The following EFCAB6 variants were observed in gnomAD, a reference collection of about 807,000 sequenced individuals.
EFCAB6 encodes the protein EF-hand calcium-binding domain-containing protein 6.
In EFCAB6, 156 loss-of-function variants were observed where a neutral mutation model predicts 169.8. The observed-to-expected ratio is 0.92, with a 90% CI of 0.81 to 1.05. EFCAB6 has a LOEUF of 1.05. Ranked by LOEUF, EFCAB6 falls within the 50% of genes least tolerant of loss-of-function variation. The probability of loss-of-function intolerance (pLI) is 0.00; values close to 1 mark genes in which losing one functional copy is unlikely to be tolerated. For synonymous variants in EFCAB6, 698 were observed against 676.4 expected, an observed-to-expected ratio of 1.03 and a Z score of -0.50; for missense variants, 1,800 against 1,829.1, an observed-to-expected ratio of 0.98 and a Z score of 0.29.
chr22:43,623,086 A>C lies in EFCAB6; in HGVS notation c.2465+3361T>G, dbSNP rs1602677434. 3.3e-5 allele frequency among the ~76,000 whole-genome samples: 5 copies of C among 152,350 alleles called. No homozygotes were observed. The Middle Eastern group carries it at 0.014, about 415-fold the overall frequency. ...CAGAACAGCACTCTAGATTCCAAAGATGATGGTGACACTGATCGTATCAGC... is the reference window on the plus strand; with the variant it reads ...CAGAACAGCACTCTAGATTCCAAAGCTGATGGTGACACTGATCGTATCAGC... On this transcript the variant is annotated intron_variant, in intron 20 of 31. Transcript: ENST00000262726.
chr22:43,719,774 G>A (rs1381124819), intron 8 of EFCAB6, among the ~76,000 whole-genome samples: 1 of 152,178 alleles, frequency 6.6e-6, no homozygotes, highest in Non-Finnish European at 1.5e-5. Flanking sequence ...TGAGCTGATA[G>A]AGGTACTTGC....
At chr22:43,784,664 C>CACATATATATGTGTAT (rs2062000636) in intron 2 of EFCAB6, among the ~76,000 whole-genome samples, 1 of 69,132 alleles carries the variant, frequency 1.4e-5, no homozygotes, top group African/African-American at 5.3e-5. Flanking sequence ...TGTATATATA[C>CACATATATATGTGTAT]ATATACATAT....
At chr22:43,627,739 G>T (rs570933171) in intron 19 of EFCAB6, among the ~76,000 whole-genome samples, 3 of 152,102 alleles carry the variant, frequency 2.0e-5, no homozygotes, top group Non-Finnish European at 4.4e-5. Context: ...GCGGCATTGC[G>T]CTTGTCCCCT....
chr22:43,574,778 G>A (rs1486934891), intron 26 of EFCAB6, among the ~76,000 whole-genome samples: 3 of 152,144 alleles, frequency 2.0e-5, no homozygotes, highest in Non-Finnish European at 4.4e-5. Flanking sequence ...CAGGTCATTT[G>A]TAGACAACGA....
chr22:43,703,586 T>C (rs537411851), intron 10 of EFCAB6, among the ~76,000 whole-genome samples: 2 of 150,784 alleles, frequency 1.3e-5, no homozygotes, highest in South Asian at 2.1e-4. Context: ...CAAGAATAGA[T>C]AGACTAAAAA....
intron 2 of EFCAB6, among the ~76,000 whole-genome samples, chr22:43,790,191 A>T (rs1373576567): frequency 6.6e-6 from 1 of 152,176 alleles, no homozygotes; most frequent in African/African-American, 2.4e-5. Context: ...CAGGTCCTGT[A>T]CGTAAGAACC....
chr22:43,784,553 ATATACACATATATATGTG>A (rs2061959551), intron 2 of EFCAB6, among the ~76,000 whole-genome samples: 1 of 97,176 alleles, frequency 1.0e-5, no homozygotes, highest in African/African-American at 4.7e-5. Flanking sequence ...GTATATGTAT[ATATACACATATATATGTG>A]TACATATACA....
intron 27 of EFCAB6, among the ~76,000 whole-genome samples, chr22:43,545,981 T>C (rs1198703824): frequency 6.6e-6 from 1 of 152,150 alleles, no homozygotes; most frequent in Non-Finnish European, 1.5e-5. Context: ...AAACATGAGT[T>C]GGCAAAAACA....
chr22:43,651,587 C>G (rs1029147305), intron 17 of EFCAB6, among the ~76,000 whole-genome samples: 1 of 152,222 alleles, frequency 6.6e-6, no homozygotes, highest in South Asian at 2.1e-4. Context: ...GAGAAGAGGG[C>G]CACCATCCTC....
chr22:43,799,949 A>G (rs1233020341), intron 2 of EFCAB6, among the ~76,000 whole-genome samples: 1 of 152,180 alleles, frequency 6.6e-6, no homozygotes, highest in African/African-American at 2.4e-5. Flanking sequence ...CTTCTCCACC[A>G]TCTTGGGTTC....
In EFCAB6 at chr22:43,692,477, T is replaced by C. The variant is rs1422401606; in HGVS notation, c.1032-4896A>G. ...AAGCAATGATTACAACTATCTTCAG[T>C]AAAATAAATAAAAATATTCCCACAA... On this transcript the variant is annotated intron_variant, in intron 10 of 31. Coordinates refer to ENST00000262726, the MANE Select transcript of EFCAB6 (RefSeq NM_022785.4). Among the ~76,000 whole-genome samples the C allele has an allele frequency of 3.9e-5, 6 of 152,080 alleles. No individual in the cohort carries two copies. In the South Asian group the frequency reaches 8.3e-4, roughly 21 times the overall value.
chr22:43,613,662 T>C (rs760121098), intron 21 of EFCAB6, among the ~76,000 whole-genome samples: 21 of 152,100 alleles, frequency 1.4e-4, no homozygotes, highest in Non-Finnish European at 2.9e-4. Flanking sequence ...CTATTGGGTA[T>C]TAAGCTTAGT....
chr22:43,696,572 T>A (rs1454182706), intron 10 of EFCAB6, among the ~76,000 whole-genome samples: 3 of 152,148 alleles, frequency 2.0e-5, no homozygotes, highest in African/African-American at 7.2e-5. Flanking sequence ...GGTGAGCGTA[T>A]AAACAAATTG....
intron 6 of EFCAB6, among the ~76,000 whole-genome samples, chr22:43,745,464 G>A (rs913530162): frequency 3.9e-5 from 6 of 152,058 alleles, no homozygotes; most frequent in Non-Finnish European, 7.4e-5. Context: ...CTCCTCACCC[G>A]GAGCCACTTT....
intron 2 of EFCAB6, among the ~76,000 whole-genome samples, chr22:43,785,378 C>T (rs5764295): frequency 0.88 from 133,546 of 152,102 alleles, 58,653 homozygotes; most frequent in East Asian, 0.99. Context: ...TTCACAAATA[C>T]GTGGAAATTA....
intron 21 of EFCAB6, among the ~76,000 whole-genome samples, chr22:43,611,550 A>G (rs1437750337): frequency 5.3e-5 from 8 of 152,238 alleles, no homozygotes. Context: ...TAATCCCAGA[A>G]CCTTGGGAGG....
chr22:43,608,440 G>C (rs2053070807), intron 22 of EFCAB6, 42 bp downstream of exon 22: 1 of 1,577,386 alleles, frequency 6.3e-7, no homozygotes, highest in African/African-American at 1.3e-5. Context: ...AGCACCCCTA[G>C]TCCATAAGAA....
At position 43,685,988 on chromosome 22, in the gene EFCAB6, T is replaced by A. The variant is rs1218465174; in HGVS notation, c.1142+1483A>T. Among the ~76,000 whole-genome samples the A allele has an allele frequency of 6.9e-5, 10 of 145,884 alleles. No homozygotes were observed. The East Asian group carries it at 1.9e-3, about 28-fold the overall frequency. On this transcript the variant is annotated intron_variant, in intron 11 of 31. Coordinates refer to ENST00000262726, the MANE Select transcript of EFCAB6 (RefSeq NM_022785.4). ...GTAAATAAATATTTTTAAAACAATTTTTTTTTTTTGAGATGAAGTTTTCCT... is the reference window on the plus strand; with the variant it reads ...GTAAATAAATATTTTTAAAACAATTATTTTTTTTTGAGATGAAGTTTTCCT...
intron 24 of EFCAB6, among the ~76,000 whole-genome samples, chr22:43,580,930 G>C (rs1324029272): frequency 6.6e-6 from 1 of 152,254 alleles, no homozygotes; most frequent in Non-Finnish European, 1.5e-5. Flanking sequence ...AAGACCTGAG[G>C]CTTGAAGGCT....
Sources: allele counts gnomAD v4.1 joint callset (sites outside exome capture counted in the v4.1 genomes callset), GRCh38; gene constraint gnomAD v4.1.1; transcripts MANE v1.5; gene names NCBI Gene and HGNC (gene_info 2026-07-23, HGNC 2026-07-21).